The following SLC66A2 variants were observed in gnomAD, a reference collection of about 807,000 sequenced individuals.
The protein encoded by SLC66A2 is solute carrier family 66 member 2, also known as PQ loop repeat containing 1.
Under a neutral mutation model 25.5 loss-of-function variants are expected in SLC66A2, and 23 were observed. That is an observed-to-expected ratio of 0.90 (90% confidence interval 0.65 to 1.28). The LOEUF is 1.28. Among genes scored for constraint, SLC66A2 ranks in the 50% most tolerant of loss-of-function variants. The pLI is 0.00. For missense variants in SLC66A2, 396 were observed against 373.1 expected, an observed-to-expected ratio of 1.06 and a Z score of -0.51; for synonymous variants, 193 against 166.5, an observed-to-expected ratio of 1.16 and a Z score of -1.23.
In SLC66A2 at chr18:79,943,446, C is replaced by T. The variant is rs1434310858; in HGVS notation, c.220G>A (p.Glu74Lys). 6.2e-7 allele frequency: 1 copy of T among 1,613,892 alleles called. No individual in the cohort carries two copies. The highest frequency in any genetic ancestry group is 1.3e-5 in the African/African-American group (1 of 74,942). The change falls in exon 3 of 6, where the codon GAG becomes AAG. Residue 74 changes from glutamate to lysine, a missense_variant. By Grantham distance (56) the Glu-to-Lys change is moderately conservative. Transcript: ENST00000397778. ...RILFWFGRRF[E>K]SPLLWQSAIM... ...GCGCTCTGCCACAGCAGCGGGGACT[C>T]AAAGCGCCTTCCAAACCTGCGGGAG...
Position 79,912,504 on chromosome 18 carries a change from G to A in SLC66A2, c.608+6680C>T, listed in dbSNP as rs375320504. Among the ~76,000 whole-genome samples, 3 of 151,488 alleles carry A rather than the reference G, an allele frequency of 2.0e-5. No individual in the cohort carries two copies. The East Asian group carries it at 5.8e-4, about 29-fold the overall frequency. ...CCAAGCACAAGGTCACATATCGCCA[G>A]GCCACGTGTCGCCAGGCCACGTGTC... On this transcript the variant is annotated intron_variant, in intron 5 of 5. Coordinates refer to ENST00000397778, the MANE Select transcript of SLC66A2 (RefSeq NM_025078.5).
In SLC66A2 at chr18:79,903,979, G is replaced by C; in HGVS notation, c.813C>G (p.Leu271=). 6.3e-7 allele frequency: 1 copy of C among 1,599,860 alleles called. No homozygotes were observed. Among genetic ancestry groups the C allele is most frequent in the South Asian group, 1.1e-5 (1 of 89,812 alleles). The change falls in exon 6 of 6, where the codon CTC becomes CTG. Residue 271 remains leucine (L), a synonymous_variant. Coordinates refer to ENST00000397778, the MANE Select transcript of SLC66A2 (RefSeq NM_025078.5). ...HAVHPTGTKA[L] ...CACATCCTCGTCCTCCCCACTGTCA[G>C]AGGGCCTTGGTGCCAGTGGGGTGCA... is the stretch of plus-strand genomic sequence containing the variant.
chr18:79,937,827 A>G lies in SLC66A2; in HGVS notation c.338-3805T>C, dbSNP rs561439075. Among the ~76,000 whole-genome samples the G allele has an allele frequency of 3.3e-5, 5 of 152,324 alleles. No individual in the cohort carries two copies. In the East Asian group the frequency reaches 7.7e-4, roughly 23 times the overall value. On this transcript the variant is annotated intron_variant, in intron 3 of 5. Coordinates refer to ENST00000397778, the MANE Select transcript of SLC66A2 (RefSeq NM_025078.5). This position sits in a 1 kb window ranked among gnomAD's most constrained non-coding sequence, Gnocchi z 5.4. ...GGACATAAAGACACGAGGAAACACC[A>G]GGAGTGCCATCTCCACTGCAGGGCT... is the stretch of plus-strand genomic sequence containing the variant.
chr18:79,922,349 AG>A (rs1985347674), intron 4 of SLC66A2, among the ~76,000 whole-genome samples: 1 of 151,504 alleles, frequency 6.6e-6, no homozygotes, highest in Non-Finnish European at 1.5e-5. Context: ...CGTAGAGTGC[AG>A]GGAGTGCCCT....
chr18:79,907,578 T>C (rs1323484945), intron 5 of SLC66A2, among the ~76,000 whole-genome samples: 2 of 152,146 alleles, frequency 1.3e-5, no homozygotes, highest in African/African-American at 2.4e-5. Context: ...CTCAAACTCC[T>C]GAGCTCAGCC....
chr18:79,913,690 G>T (rs944735468), intron 5 of SLC66A2, among the ~76,000 whole-genome samples: 12 of 152,170 alleles, frequency 7.9e-5, no homozygotes, highest in Admixed American at 3.9e-4. Context: ...CCAGAAGCAG[G>T]GCTGCTACGA....
At chr18:79,939,537 G>GA (rs1220231946) in intron 3 of SLC66A2, among the ~76,000 whole-genome samples, 1 of 151,928 alleles carries the variant, frequency 6.6e-6, no homozygotes, top group Non-Finnish European at 1.5e-5. Flanking sequence ...AAATTTACAA[G>GA]AAAAAAATGA....
intron 4 of SLC66A2, among the ~76,000 whole-genome samples, chr18:79,930,768 A>G (rs1271389931): frequency 6.6e-6 from 1 of 152,220 alleles, no homozygotes; most frequent in Non-Finnish European, 1.5e-5. Context: ...GAAAGGAACC[A>G]CAAATGGTAA....
chr18:79,934,872 G>A (rs1407648006), intron 3 of SLC66A2, among the ~76,000 whole-genome samples: 1 of 152,210 alleles, frequency 6.6e-6, no homozygotes, highest in African/African-American at 2.4e-5. Context: ...CAAATACGAG[G>A]TGACCTCTGA....
intron 4 of SLC66A2, among the ~76,000 whole-genome samples, chr18:79,925,375 A>G (rs895143376): frequency 2.0e-5 from 3 of 152,246 alleles, no homozygotes; most frequent in African/African-American, 7.2e-5. Context: ...AGAACAGCTG[A>G]CAGCCGGCAG....
intron 2 of SLC66A2, among the ~76,000 whole-genome samples, chr18:79,950,430 G>T (rs1406545526): frequency 6.6e-6 from 1 of 152,240 alleles, no homozygotes; most frequent in Admixed American, 6.5e-5. Flanking sequence ...GGCAGGCCTA[G>T]GCCAGTGCCC....
At position 79,923,999 on chromosome 18, in the gene SLC66A2, T is replaced by C. The variant is rs541368846; in HGVS notation, c.392-4599A>G. On this transcript the variant is annotated intron_variant, in intron 4 of 5. Coordinates refer to ENST00000397778, the MANE Select transcript of SLC66A2 (RefSeq NM_025078.5). Reference sequence around the variant, plus strand: ...CTGTAGTGAGCCATGGCTGTGCCACTGCACTGCAGCCTGGGTGACAGAGTG... The same window carrying C: ...CTGTAGTGAGCCATGGCTGTGCCACCGCACTGCAGCCTGGGTGACAGAGTG... 2.7e-5 allele frequency among the ~76,000 whole-genome samples: 4 copies of C among 149,756 alleles called. No homozygotes were observed. The South Asian group carries it at 8.5e-4, about 32-fold the overall frequency.
At position 79,918,456 on chromosome 18, in the gene SLC66A2, A is replaced by AGGGTCCCCAGTGAGGAGCGGCACCGGG. The variant is rs1466809084; in HGVS notation, c.608+701_608+727dup. Among the ~76,000 whole-genome samples, 26 of 122,460 alleles carry AGGGTCCCCAGTGAGGAGCGGCACCGGG rather than the reference A, an allele frequency of 2.1e-4. No individual in the cohort carries two copies. Among genetic ancestry groups the AGGGTCCCCAGTGAGGAGCGGCACCGGG allele is most frequent in the African/African-American group, 6.0e-4 (21 of 34,912 alleles). 80.3% of individuals were successfully genotyped at this position (122,460 alleles called of 152,430 possible). ...CCCCAGTGAGGAGCGGGCACCGGGG[A>AGGGTCCCCAGTGAGGAGCGGCACCGGG]GGGTCCCCAGTGAGGAGCGGCACCG... On this transcript the variant is annotated intron_variant, in intron 5 of 5. Transcript: ENST00000397778. The surrounding 1 kb of genome is among the most constrained non-coding windows in gnomAD (Gnocchi z 4.0).
chr18:79,903,614 G>A lies in SLC66A2; in HGVS notation c.*362C>T, dbSNP rs546963397. 9.0e-5 allele frequency: 26 copies of A among 287,898 alleles called. No individual in the cohort carries two copies. The highest frequency in any genetic ancestry group is 1.1e-4 in the Admixed American group (2 of 17,952). 17.8% of individuals were successfully genotyped at this position (287,898 alleles called of 1,614,324 possible). A position where few individuals can be genotyped will look rare whatever the true frequency, so the allele number is the denominator to read the frequency against. On this transcript the variant is annotated 3_prime_UTR_variant, in exon 6 of 6. Coordinates refer to ENST00000397778, the MANE Select transcript of SLC66A2 (RefSeq NM_025078.5). Reference sequence around the variant, plus strand: ...CGGTCACCCCAGCTTCAAGGTTCGCGGCTGCTGGCCCGTGTGTCCACCTGG... The same window carrying A: ...CGGTCACCCCAGCTTCAAGGTTCGCAGCTGCTGGCCCGTGTGTCCACCTGG...
intron 5 of SLC66A2, among the ~76,000 whole-genome samples, chr18:79,907,025 A>G (rs1201145707): frequency 6.6e-6 from 1 of 152,216 alleles, no homozygotes; most frequent in Non-Finnish European, 1.5e-5. Context: ...TGGTCAATAC[A>G]TCCTGCACCC....
At chr18:79,905,190 T>A (rs1488489634) in intron 5 of SLC66A2, among the ~76,000 whole-genome samples, 5 of 152,226 alleles carry the variant, frequency 3.3e-5, no homozygotes, top group African/African-American at 1.2e-4. Context: ...GCTTTATCAT[T>A]ACACCCACTG....
chr18:79,944,512 C>G (rs3809933), intron 2 of SLC66A2: 19,577 of 152,394 alleles, frequency 0.13, 1,324 homozygotes, highest in East Asian at 0.22. Context: ...CAATGACTGG[C>G]AGTCTCTGCC....
chr18:79,919,997 TG>T (rs369731680), intron 4 of SLC66A2, among the ~76,000 whole-genome samples: 9 of 112 alleles, frequency 0.08, 2 homozygotes, highest in Admixed American at 0.33. Context: ...TCAGGGTCAG[TG>T]GAGGAGAGAC....
rs979116592 is a variant in SLC66A2, at chr18:79,937,991, T to C, written c.338-3969A>G. On this transcript the variant is annotated intron_variant, in intron 3 of 5. Transcript: ENST00000397778. This position sits in a 1 kb window ranked among gnomAD's most constrained non-coding sequence, Gnocchi z 5.4. The stretch of plus-strand genomic sequence containing the variant: ...GATTTTTAAACAACAAAATCGTATA[T>C]ACTGCCAGACACAGGGGCTCACACC... Among the ~76,000 whole-genome samples the C allele has an allele frequency of 1.4e-4, 22 of 151,852 alleles. No homozygotes were observed. Among genetic ancestry groups the C allele is most frequent in the Admixed American group, 2.0e-4 (3 of 15,244 alleles).
Sources: gnomAD v4.1 joint callset for allele counts (sites outside exome capture counted in the v4.1 genomes callset) on GRCh38, gnomAD v4.1.1 for gene constraint, Gnocchi (gnomAD v3.1) non-coding constraint, MANE v1.5 for transcripts, NCBI Gene and HGNC (gene_info 2026-07-23, HGNC 2026-07-21) for gene names.